GLE1: variants seen among roughly 807,000 people sequenced by gnomAD.
The protein encoded by GLE1 is GLE1 RNA export mediator, also known as mRNA export factor GLE1.
In GLE1, 78 loss-of-function variants were observed where a neutral mutation model predicts 97.3. That is an observed-to-expected ratio of 0.80 (90% confidence interval 0.67 to 0.97). GLE1 has a LOEUF of 0.97. Ranked by LOEUF, GLE1 falls within the 50% of genes least tolerant of loss-of-function variation. The pLI, the probability that GLE1 is intolerant of heterozygous loss-of-function variation, is 0.00. For synonymous variants in GLE1, 302 were observed against 313.4 expected (o/e 0.96, Z 0.39); for missense variants, 753 against 857.5 (o/e 0.88, Z 1.52).
intron 2 of GLE1, among the ~76,000 whole-genome samples, chr9:128,515,013 G>T (rs532425296): frequency 6.6e-6 from 1 of 152,094 alleles, no homozygotes; most frequent in Admixed American, 6.5e-5. Flanking sequence ...TAGGGACGGG[G>T]TTTCACCATG....
At chr9:128,514,800 A>T (rs1347033015) in intron 2 of GLE1, among the ~76,000 whole-genome samples, 1 of 151,558 alleles carries the variant, frequency 6.6e-6, no homozygotes, top group South Asian at 2.1e-4. Flanking sequence ...CAGCCTCCCA[A>T]AGTGCTGGGG....
In GLE1 at chr9:128,504,757, C is replaced by A. The variant is rs1382676906; in HGVS notation, c.-49C>A. The A allele has an allele frequency of 7.9e-7, 1 of 1,272,700 alleles. No individual in the cohort carries two copies. Among genetic ancestry groups the A allele is most frequent in the Non-Finnish European group, 1.1e-6 (1 of 870,702 alleles). The allele number at this position is 1,272,700 out of a possible 1,614,324, so 78.8% of individuals were successfully genotyped here. A position where few individuals can be genotyped will look rare whatever the true frequency, so the allele number is the denominator to read the frequency against. ...GCCTTCCCGGCGGCTGATTCGAGGG[C>A]TTGTTTGGTCAGAAGGGGGGCGTCA... On this transcript the variant is annotated 5_prime_UTR_variant, in exon 1 of 16. Coordinates refer to ENST00000309971, the MANE Select transcript of GLE1 (RefSeq NM_001003722.2).
Position 128,508,898 on chromosome 9 carries a change from C to G in GLE1, c.122C>G (p.Ser41Cys), listed in dbSNP as rs780559879. 6.2e-7 allele frequency: 1 copy of G among 1,603,268 alleles called. No homozygotes were observed. Reference sequence around the variant, plus strand: ...TAGGATGTTTTAGAAGAATGTATGTCTCTTCCCAAGCTATCTTCTTATTCT... The same window carrying G: ...TAGGATGTTTTAGAAGAATGTATGTGTCTTCCCAAGCTATCTTCTTATTCT... ...RREDVLEECM[S>C]LPKLSSYSGW... Residue 41 changes from serine to cysteine, a missense_variant, in exon 2 of 16, where the codon TCT becomes TGT. Transcript: ENST00000309971.
At chr9:128,509,462 A>G (rs1488188823) in intron 2 of GLE1, among the ~76,000 whole-genome samples, 1 of 151,362 alleles carries the variant, frequency 6.6e-6, no homozygotes, top group East Asian at 1.9e-4. Flanking sequence ...GCCTTCTCTC[A>G]TTGGTTCTGT....
At position 128,527,296 on chromosome 9, in the gene GLE1, G is replaced by T; in HGVS notation, c.1242+5G>T. On this transcript the variant is annotated splice_donor_5th_base_variant and intron_variant, in intron 8 of 15. Coordinates refer to ENST00000309971, the MANE Select transcript of GLE1 (RefSeq NM_001003722.2). ...ACCAACAGCAAGGACAGTCAGGTAG[G>T]GGAGAGGTATATGGCAGTAATTTTG... 6.5e-7 allele frequency: 1 copy of T among 1,533,962 alleles called. No homozygotes were observed. The highest frequency in any genetic ancestry group is 1.1e-5 in the South Asian group (1 of 89,488).
intron 4 of GLE1, 115 bp downstream of exon 4, chr9:128,522,931 T>C: frequency 8.3e-7 from 1 of 1,211,094 alleles, no homozygotes; most frequent in Non-Finnish European, 1.2e-6. Flanking sequence ...AATATCAAGG[T>C]AAAATAGGCA....
chr9:128,538,459 T>C (rs1033070103), intron 13 of GLE1, among the ~76,000 whole-genome samples: 1 of 151,950 alleles, frequency 6.6e-6, no homozygotes, highest in Admixed American at 6.6e-5. Flanking sequence ...GGTCAGGAGT[T>C]CGAGCCCAGC....
At chr9:128,522,992 G>A (rs1007972603) in intron 4 of GLE1, among the ~76,000 whole-genome samples, 176 bp downstream of exon 4, 6 of 152,092 alleles carry the variant, frequency 3.9e-5, no homozygotes, top group Non-Finnish European at 8.8e-5. Context: ...ACAACCAAAG[G>A]AACACAAAGA....
intron 9 of GLE1, among the ~76,000 whole-genome samples, chr9:128,530,585 A>G (rs1847463524): frequency 6.6e-6 from 1 of 152,186 alleles, no homozygotes; most frequent in African/African-American, 2.4e-5. Context: ...TTTAATGAAT[A>G]GGAGGGAAGG....
intron 9 of GLE1, chr9:128,532,551 T>C (rs1191566838): frequency 2.5e-5 from 4 of 161,746 alleles, no homozygotes; most frequent in African/African-American, 7.2e-5. Context: ...TAAAGAAATA[T>C]CCTACAGAAC....
Position 128,525,333 on chromosome 9 carries a change from A to G in GLE1, c.1039A>G (p.Lys347Glu). 6.2e-7 allele frequency: 1 copy of G among 1,613,984 alleles called. No homozygotes were observed. Among genetic ancestry groups the G allele is most frequent in the Non-Finnish European group, 8.5e-7 (1 of 1,179,922 alleles). The stretch of plus-strand genomic sequence containing the variant: ...GCAGGATGAAGAAGAGGCCCAGGTA[A>G]AGCTGCAAGAGGCACAGATGCAGCA... ...RRQDEEEAQV[K>E]LQEAQMQQGP... Residue 347 changes from lysine (K) to glutamate (E), a missense_variant, in exon 7 of 16, where the codon AAG (lysine) becomes GAG (glutamate). Coordinates refer to ENST00000309971, the MANE Select transcript of GLE1 (RefSeq NM_001003722.2).
chr9:128,522,618 A>G (rs1847182398), intron 3 of GLE1, 50 bp from the exon 4 acceptor site: 1 of 1,536,936 alleles, frequency 6.5e-7, no homozygotes, highest in South Asian at 1.2e-5. Context: ...GCCTGGCGAC[A>G]GAGAGAGATT....
chr9:128,506,088 G>A (rs1473103660), intron 1 of GLE1, among the ~76,000 whole-genome samples: 3 of 152,144 alleles, frequency 2.0e-5, no homozygotes, highest in Non-Finnish European at 4.4e-5. Flanking sequence ...GCTCAGGCCC[G>A]TAATCCCAGC....
rs778056816 is a variant in GLE1, at chr9:128,524,662, G to A, written c.898-530G>A. On this transcript the variant is annotated intron_variant, in intron 6 of 15. Transcript: ENST00000309971. ...CGGCTTCCAGGTTCAAGCGATTCTC[G>A]GATTACTTGAGGCTAGGAGTTCGAG... Among the ~76,000 whole-genome samples, 9 of 147,296 alleles carry A rather than the reference G, an allele frequency of 6.1e-5. No individual in the cohort carries two copies. The East Asian group carries it at 1.0e-3, about 17-fold the overall frequency.
rs769399461 is a variant in GLE1, at chr9:128,511,300, T to TTTG, written c.321+2219_321+2221dup. On this transcript the variant is annotated intron_variant, in intron 2 of 15. Coordinates refer to ENST00000309971, the MANE Select transcript of GLE1 (RefSeq NM_001003722.2). ...CATAAATATATATATTTATGTTGAT[T>TTTG]TTGTTGTTGTTGTTGTTGCCAGAAA... Among the ~76,000 whole-genome samples the TTTG allele has an allele frequency of 1.1e-4, 17 of 149,494 alleles. No individual in the cohort carries two copies. In the East Asian group the frequency reaches 1.9e-3, roughly 17 times the overall value.
rs1847776447 is a variant in GLE1 at position 128,538,108 on chromosome 9, C to T, written c.1881+18C>T. 1 of 1,362,304 alleles carries T rather than the reference C, an allele frequency of 7.3e-7. No individual in the cohort carries two copies. The highest frequency in any genetic ancestry group is 1.8e-4 in the Middle Eastern group (1 of 5,490). The allele number at this position is 1,362,304 out of a possible 1,614,324, so 84.4% of individuals were successfully genotyped here. ...TCCTGGAGGTACGTAACTCAGTTAT[C>T]ACACAAGAGAAGGCCAGTGGTTGAG... is the stretch of plus-strand genomic sequence containing the variant. On this transcript the variant is annotated intron_variant, in intron 13 of 15. Transcript: ENST00000309971.
chr9:128,534,324 G>A (rs146339618), intron 11 of GLE1, among the ~76,000 whole-genome samples: 14 of 152,208 alleles, frequency 9.2e-5, no homozygotes, highest in Admixed American at 3.9e-4. Flanking sequence ...AGCCAAGATC[G>A]CACCAGTATA....
Position 128,533,839 on chromosome 9 carries a change from C to G in GLE1, c.1534C>G (p.Leu512Val), listed in dbSNP as rs763804887. 24 of 1,611,132 alleles carry G rather than the reference C, an allele frequency of 1.5e-5. No homozygotes were observed. Among genetic ancestry groups the G allele is most frequent in the Middle Eastern group, 3.3e-4 (2 of 6,080 alleles). ...IAVVASGIWE[L>V]HPRVGDLILA... ...AGTTGTGGCATCCGGGATCTGGGAG[C>G]TCCACCCCAGAGTGGGGGACCTCAT... is the stretch of plus-strand genomic sequence containing the variant. The change falls in exon 11 of 16, where the codon CTC (leucine) becomes GTC (valine). Residue 512 changes from leucine (L) to valine (V), a missense_variant. Physicochemically the swap from Leu to Val is conservative, Grantham distance 32 (BLOSUM62 1). Transcript: ENST00000309971.
At chr9:128,529,550 T>C (rs190044129) in intron 9 of GLE1, among the ~76,000 whole-genome samples, 7 of 152,282 alleles carry the variant, frequency 4.6e-5, no homozygotes, top group African/African-American at 7.2e-5. Context: ...CTTGATCCTA[T>C]GTCTTCTAAG....
Sources: allele counts gnomAD v4.1 joint callset (sites outside exome capture counted in the v4.1 genomes callset), GRCh38; gene constraint gnomAD v4.1.1; transcripts MANE v1.5; gene names NCBI Gene and HGNC (gene_info 2026-07-23, HGNC 2026-07-21).